The following LRBA variants were observed in gnomAD, a reference collection of about 807,000 sequenced individuals.
LRBA encodes LPS responsive beige-like anchor protein.
A neutral mutation model predicts 330.0 loss-of-function variants in LRBA; 176 were observed. That is an observed-to-expected ratio of 0.53 (90% CI 0.47 to 0.60). The LOEUF is 0.60. Among genes scored for constraint, LRBA ranks in the 20% least tolerant of loss-of-function variants. LRBA has a pLI of 0.00. For synonymous variants in LRBA, 1,230 were observed against 1,193.0 expected (o/e 1.03, Z -0.64); for missense variants, 3,259 against 3,444.8 (o/e 0.95, Z 1.35).
At chr4:150,663,049 T>C (rs116626323) in intron 37 of LRBA, among the ~76,000 whole-genome samples, 254 of 152,290 alleles carry the variant, frequency 1.7e-3, no homozygotes, top group African/African-American at 6.0e-3. Context: ...TCACAAACTT[T>C]ACAAACTAGC....
chr4:150,861,736 C>T (rs1245937117), intron 22 of LRBA, among the ~76,000 whole-genome samples: 1 of 152,058 alleles, frequency 6.6e-6, no homozygotes, highest in African/African-American at 2.4e-5. Flanking sequence ...AACATTTTAA[C>T]TTTTTAAACA....
intron 34 of LRBA, among the ~76,000 whole-genome samples, chr4:150,765,059 C>G (rs1229928625): frequency 1.3e-5 from 2 of 149,886 alleles, no homozygotes; most frequent in Non-Finnish European, 3.0e-5. Flanking sequence ...TGTGGTACAA[C>G]CAGACAATGG....
intron 46 of LRBA, among the ~76,000 whole-genome samples, chr4:150,424,491 C>T (rs1463278654): frequency 6.6e-6 from 1 of 152,186 alleles, no homozygotes; most frequent in Non-Finnish European, 1.5e-5. Flanking sequence ...ATTATTTACC[C>T]ATTTATTCCA....
At chr4:150,951,481 T>C (rs1006827560) in intron 2 of LRBA, among the ~76,000 whole-genome samples, 2 of 152,274 alleles carry the variant, frequency 1.3e-5, no homozygotes, top group African/African-American at 2.4e-5. Context: ...GAATGTGTCT[T>C]ATAATCAATG....
intron 37 of LRBA, among the ~76,000 whole-genome samples, chr4:150,634,089 TG>T (rs1442706695): frequency 2.6e-5 from 4 of 152,170 alleles, no homozygotes; most frequent in African/African-American, 9.7e-5. Context: ...CACTCCAGCC[TG>T]GGTGACAAGA....
intron 37 of LRBA, among the ~76,000 whole-genome samples, chr4:150,623,802 CAATTTATCTAACAAAAATTTTAAAAT>C (rs1489071461): frequency 1.2e-4 from 18 of 152,058 alleles, no homozygotes; most frequent in African/African-American, 4.1e-4. Flanking sequence ...AAATTTTATA[CAATTTATCTAACAAAAATTTTAAAAT>C]AATATCCACA....
chr4:150,489,030 A>G (rs1259643886), intron 41 of LRBA, among the ~76,000 whole-genome samples: 1 of 115,432 alleles, frequency 8.7e-6, no homozygotes, highest in East Asian at 2.2e-4. Context: ...ATAAGAATAT[A>G]TATTATATAT....
chr4:150,886,783 G>A (rs1351334978), intron 17 of LRBA, among the ~76,000 whole-genome samples: 1 of 152,042 alleles, frequency 6.6e-6, no homozygotes, highest in African/African-American at 2.4e-5. Context: ...ATGCATCCAG[G>A]ACCCACAATA....
intron 2 of LRBA, among the ~76,000 whole-genome samples, chr4:150,931,408 A>AT: frequency 6.6e-6 from 1 of 150,522 alleles, no homozygotes; most frequent in South Asian, 2.1e-4. Context: ...TTACATATCT[A>AT]TATTTATATA....
intron 16 of LRBA, among the ~76,000 whole-genome samples, chr4:150,895,715 G>GCTATTA (rs1245360792): frequency 6.6e-6 from 1 of 152,164 alleles, no homozygotes; most frequent in African/African-American, 2.4e-5. Flanking sequence ...CCAAGTGTTT[G>GCTATTA]CTATTGTGAA....
intron 53 of LRBA, among the ~76,000 whole-genome samples, chr4:150,293,988 T>G (rs943504972): frequency 6.6e-6 from 1 of 152,236 alleles, no homozygotes; most frequent in African/African-American, 2.4e-5. Flanking sequence ...ATACAAAATA[T>G]GTGTTAACCA....
Position 150,840,331 on chromosome 4 carries a change from T to C in LRBA, c.4569+3769A>G, listed in dbSNP as rs776889257. Among the ~76,000 whole-genome samples, 3 of 152,266 alleles carry C rather than the reference T, an allele frequency of 2.0e-5. 1 individual carries two copies. The highest frequency in any genetic ancestry group is 7.2e-5 in the African/African-American group (3 of 41,474). On this transcript the variant is annotated intron_variant, in intron 28 of 56. Transcript: ENST00000651943. ...CAAGAAGCCCAGCTTTTGGCCTGTA[T>C]CAGCTTTTGATATATCATCTTCACT...
intron 55 of LRBA, among the ~76,000 whole-genome samples, chr4:150,279,229 T>C (rs1198834424): frequency 6.6e-6 from 1 of 152,176 alleles, no homozygotes; most frequent in Non-Finnish European, 1.5e-5. Flanking sequence ...AAGCTGAAAA[T>C]ATTTACTTTC....
intron 2 of LRBA, among the ~76,000 whole-genome samples, chr4:150,957,834 T>C (rs1453676924): frequency 6.7e-6 from 1 of 149,120 alleles, no homozygotes; most frequent in Non-Finnish European, 1.5e-5. Context: ...GACAGTCAAA[T>C]CTTAAAGCTC....
intron 17 of LRBA, among the ~76,000 whole-genome samples, chr4:150,878,814 A>T (rs1249295907): frequency 6.6e-6 from 1 of 152,090 alleles, no homozygotes; most frequent in African/African-American, 2.4e-5. Flanking sequence ...TTGAGCTCCG[A>T]AACTGTATAC....
intron 35 of LRBA, among the ~76,000 whole-genome samples, chr4:150,754,231 T>C (rs1318483801): frequency 6.6e-6 from 1 of 152,026 alleles, no homozygotes; most frequent in Non-Finnish European, 1.5e-5. Flanking sequence ...ACCATGTCAG[T>C]ACTTTAAGCC....
chr4:150,923,189 A>AT (rs1434700820), intron 4 of LRBA, among the ~76,000 whole-genome samples: 1 of 151,528 alleles, frequency 6.6e-6, no homozygotes, highest in Non-Finnish European at 1.5e-5. Flanking sequence ...AAAGTCAAAA[A>AT]AAAAAAAAAA....
At chr4:150,889,929 A>G (rs1051580695) in intron 17 of LRBA, among the ~76,000 whole-genome samples, 1 of 152,234 alleles carries the variant, frequency 6.6e-6, no homozygotes, top group Non-Finnish European at 1.5e-5. Context: ...TTATTTATAA[A>G]GACAAATCAT....
intron 40 of LRBA, chr4:150,582,935 C>T: frequency 6.8e-7 from 1 of 1,461,184 alleles, no homozygotes; most frequent in Non-Finnish European, 9.2e-7. Context: ...CGCACCGCCT[C>T]TTTCGAAAGC....
Sources: gnomAD v4.1 joint callset for allele counts (sites outside exome capture counted in the v4.1 genomes callset) on GRCh38, gnomAD v4.1.1 for gene constraint, MANE v1.5 for transcripts, NCBI Gene and HGNC (gene_info 2026-07-23, HGNC 2026-07-21) for gene names.